The following B3GAT1 variants were observed in gnomAD, a reference collection of about 807,000 sequenced individuals.
B3GAT1 encodes the protein galactosylgalactosylxylosylprotein 3-beta-glucuronosyltransferase 1.
A neutral mutation model predicts 28.4 loss-of-function variants in B3GAT1; 11 were observed. That is an observed-to-expected ratio of 0.39 (90% CI 0.24 to 0.64). B3GAT1 has a LOEUF of 0.64. B3GAT1 is among the 30% of genes least tolerant of loss of function. B3GAT1 has a pLI of 0.50. For missense variants in B3GAT1, 375 were observed against 491.0 expected (o/e 0.76, Z 2.23); for synonymous variants, 255 against 223.1 (o/e 1.14, Z -1.27).
At position 134,411,838 on chromosome 11, in the gene B3GAT1, C is replaced by G. The variant is rs1295083483; in HGVS notation, c.-313G>C. On this transcript the variant is annotated 5_prime_UTR_variant, in exon 1 of 6. Coordinates refer to ENST00000312527, the MANE Select transcript of B3GAT1 (RefSeq NM_054025.3). This position sits in a 1 kb window ranked among gnomAD's most constrained non-coding sequence, Gnocchi z 6.0. The stretch of plus-strand genomic sequence containing the variant: ...CGACGAGTCCGGAGCGTCTCCGGTG[C>G]GGTCCATCGCGGGCAACGGCCCCTA... 1 of 151,468 alleles carries G rather than the reference C, an allele frequency of 6.6e-6. No individual in the cohort carries two copies. Among genetic ancestry groups the G allele is most frequent in the Non-Finnish European group, 1.5e-5 (1 of 67,890 alleles). The allele number at this position is 151,468 out of a possible 1,614,324, so 9.4% of individuals were successfully genotyped here.
intron 3 of B3GAT1, 140 bp from the exon 4 acceptor site, chr11:134,383,146 G>T: frequency 2.1e-6 from 2 of 952,740 alleles, no homozygotes; most frequent in Non-Finnish European, 3.0e-6. Flanking sequence ...GTCCAGTACA[G>T]CCCTGCCCCC....
In B3GAT1 at chr11:134,381,941, G is replaced by C. The variant is rs757002710; in HGVS notation, c.1002C>G (p.Ile334Met). Residue 334 changes from isoleucine (I) to methionine (M), a missense_variant, in exon 5 of 6, where the codon ATC becomes ATG. By Grantham distance (10) the Ile-to-Met change is conservative. Coordinates refer to ENST00000312527, the MANE Select transcript of B3GAT1 (RefSeq NM_054025.3). ...KKGFTDPSVE[I>M] ...GCCCATACCTGCATCCTGAGGCTCAGATCTCCACCGAGGGGTCAGTGAAGC... is the reference window on the plus strand; with the variant it reads ...GCCCATACCTGCATCCTGAGGCTCACATCTCCACCGAGGGGTCAGTGAAGC... 3.1e-6 allele frequency: 5 copies of C among 1,614,004 alleles called. No homozygotes were observed. In the Admixed American group the frequency reaches 8.3e-5, roughly 27 times the overall value.
Position 134,383,700 on chromosome 11 carries a change from T to C in B3GAT1, c.601A>G (p.Ser201Gly). The C allele has an allele frequency of 6.3e-7, 1 of 1,585,980 alleles. No homozygotes were observed. The highest frequency in any genetic ancestry group is 8.6e-7 in the Non-Finnish European group (1 of 1,161,684). ...CTCACCTCTTCGAAGAGCTCCAGGC[T>C]GTAGGTGTTGTCGTCGTCGGCGAAG... ...VYFADDDNTY[S>G]LELFEEMRST... Residue 201 changes from serine to glycine, a missense_variant, in exon 3 of 6, where the codon AGC (serine) becomes GGC (glycine). Ser to Gly is a moderately conservative substitution (Grantham distance 56). Coordinates refer to ENST00000312527, the MANE Select transcript of B3GAT1 (RefSeq NM_054025.3).
Position 134,382,973 on chromosome 11 carries a change from C to T in B3GAT1, c.655G>A (p.Val219Ile), listed in dbSNP as rs1473343688. The change falls in exon 4 of 6, where the codon GTC becomes ATC. Residue 219 changes from valine to isoleucine, a missense_variant. Val to Ile is a conservative substitution (Grantham distance 29). Coordinates refer to ENST00000312527, the MANE Select transcript of B3GAT1 (RefSeq NM_054025.3). ...TACCGCAGGCCACCCACGAAGGCGA[C>T]GGGCCACACGGACACCCTCCTGGTG... Reference protein sequence around the residue: ...RSTRRVSVWPVAFVGGLRYEA... With the variant: ...RSTRRVSVWPIAFVGGLRYEA... The T allele has an allele frequency of 3.1e-6, 5 of 1,587,788 alleles. No homozygotes were observed. Among genetic ancestry groups the T allele is most frequent in the East Asian group, 2.3e-5 (1 of 43,716 alleles).
At chr11:134,381,687 AC>A (rs1944126046) in intron 5 of B3GAT1, 1 of 498,046 alleles carries the variant, frequency 2.0e-6, no homozygotes. Context: ...TTGGAAGGTG[AC>A]ACCCTCTGAA....
In B3GAT1 at chr11:134,384,102, C is replaced by A. The variant is rs766405068; in HGVS notation, c.199G>T (p.Val67Leu). Residue 67 changes from valine to leucine, a missense_variant, in exon 3 of 6, where the codon GTG (valine) becomes TTG (leucine). Coordinates refer to ENST00000312527, the MANE Select transcript of B3GAT1 (RefSeq NM_054025.3). ...CGCGTGTACACGTACTCGGTGCGCA[C>A]CACCTCCACGATGTCGCGGTCAGAC... ...CTSDRDIVEVVRTEYVYTRPP... is the reference protein window; with the variant it reads ...CTSDRDIVEVLRTEYVYTRPP... 6.3e-7 allele frequency: 1 copy of A among 1,591,774 alleles called. No individual in the cohort carries two copies. Among genetic ancestry groups the A allele is most frequent in the Admixed American group, 1.7e-5 (1 of 59,674 alleles).
rs888304360 is a variant in B3GAT1, at chr11:134,393,706, G to C, written c.-281-5766C>G. Among the ~76,000 whole-genome samples, 8 of 152,294 alleles carry C rather than the reference G, an allele frequency of 5.3e-5. No homozygotes were observed. Among genetic ancestry groups the C allele is most frequent in the Non-Finnish European group, 8.8e-5 (6 of 68,012 alleles). On this transcript the variant is annotated intron_variant, in intron 1 of 5. Coordinates refer to ENST00000312527, the MANE Select transcript of B3GAT1 (RefSeq NM_054025.3). The surrounding 1 kb of genome is among the most constrained non-coding windows in gnomAD (Gnocchi z 4.0). ...GAGTGCTGTGAACAGGCTGGGAACC[G>C]GCGTCACTGACTCTTGAGGGCGTGG...
chr11:134,387,582 C>A lies in B3GAT1; in HGVS notation c.78G>T (p.Gln26His). 6.2e-7 allele frequency: 1 copy of A among 1,614,130 alleles called. No individual in the cohort carries two copies. The highest frequency in any genetic ancestry group is 8.5e-7 in the Non-Finnish European group (1 of 1,180,042). Reference protein sequence around the residue: ...PWTLLITVWHQSTLAPLLAVH... With the variant: ...PWTLLITVWHHSTLAPLLAVH... ...CCGCGAGCAGGGGTGCGAGGGTGCTCTGGTGCCAGACAGTGATGAGCAGAG... is the reference window on the plus strand; with the variant it reads ...CCGCGAGCAGGGGTGCGAGGGTGCTATGGTGCCAGACAGTGATGAGCAGAG... The change falls in exon 2 of 6, where the codon CAG becomes CAT. Residue 26 changes from glutamine (Q) to histidine (H), a missense_variant. Coordinates refer to ENST00000312527, the MANE Select transcript of B3GAT1 (RefSeq NM_054025.3).
At chr11:134,392,593 C>A (rs953915884) in intron 1 of B3GAT1, among the ~76,000 whole-genome samples, 6 of 152,158 alleles carry the variant, frequency 3.9e-5, no homozygotes, top group African/African-American at 1.4e-4. Context: ...CTGGTCTCAA[C>A]CTACTGGGCT....
At chr11:134,384,989 G>T (rs1395348900) in intron 2 of B3GAT1, 1 of 152,190 alleles carries the variant, frequency 6.6e-6, no homozygotes, top group African/African-American at 2.4e-5. Flanking sequence ...TTACCGTCGG[G>T]TGGTAAAGGT....
chr11:134,395,758 G>C (rs1233998323), intron 1 of B3GAT1, among the ~76,000 whole-genome samples: 1 of 152,156 alleles, frequency 6.6e-6, no homozygotes, highest in Non-Finnish European at 1.5e-5. Context: ...CCCAAGACAA[G>C]TATATTCATT....
intron 1 of B3GAT1, chr11:134,409,698 C>T (rs1362888112): frequency 6.6e-6 from 1 of 152,328 alleles, no homozygotes; most frequent in East Asian, 1.9e-4. Flanking sequence ...CCCAGCCTGC[C>T]CCAACTCACC....
At chr11:134,407,547 A>T (rs1248893540) in intron 1 of B3GAT1, among the ~76,000 whole-genome samples, 2 of 152,238 alleles carry the variant, frequency 1.3e-5, no homozygotes, top group Non-Finnish European at 2.9e-5. Context: ...AAATCCAGTC[A>T]ACTCTTGATC....
At chr11:134,399,828 T>C (rs1944576292) in intron 1 of B3GAT1, among the ~76,000 whole-genome samples, 1 of 152,164 alleles carries the variant, frequency 6.6e-6, no homozygotes, top group Admixed American at 6.5e-5. Flanking sequence ...GGTGACTGAC[T>C]TGGTACCTGC....
intron 4 of B3GAT1, among the ~76,000 whole-genome samples, chr11:134,382,498 G>A (rs1944156360): frequency 6.6e-6 from 1 of 152,264 alleles, no homozygotes; most frequent in South Asian, 2.1e-4. Context: ...CTGTTCTGTG[G>A]GAGGTTATAA....
intron 1 of B3GAT1, among the ~76,000 whole-genome samples, chr11:134,405,784 G>A (rs1944720288): frequency 6.6e-6 from 1 of 152,226 alleles, no homozygotes; most frequent in African/African-American, 2.4e-5. Context: ...TGAAAAGAAG[G>A]GAGTAGCCCA....
In B3GAT1 at chr11:134,382,752, G is replaced by T. The variant is rs768609394; in HGVS notation, c.876C>A (p.Val292=). The T allele has an allele frequency of 1.2e-6, 2 of 1,614,124 alleles. No homozygotes were observed. The highest frequency in any genetic ancestry group is 1.1e-5 in the South Asian group (1 of 91,080). The change falls in exon 4 of 6, where the codon GTC becomes GTA. Residue 292 remains valine, a synonymous_variant. Coordinates refer to ENST00000312527, the MANE Select transcript of B3GAT1 (RefSeq NM_054025.3). The stretch of plus-strand genomic sequence containing the variant: ...CCTTGGGCTCCAGGTCGTTGAGGGT[G>T]ACAAGTTCTCGAAGGAGGCTGCTTT... ...YQESSLLREL[V]TLNDLEPKAA...
In B3GAT1 at chr11:134,393,919, C is replaced by T. The variant is rs1407733502; in HGVS notation, c.-281-5979G>A. The stretch of plus-strand genomic sequence containing the variant: ...GCTTTGTCCCACAGATCTCCAGGTG[C>T]CCCTAATGGGATCAGCGGATTAGTA... On this transcript the variant is annotated intron_variant, in intron 1 of 5. Transcript: ENST00000312527. The surrounding 1 kb of genome is among the most constrained non-coding windows in gnomAD (Gnocchi z 4.0). Among the ~76,000 whole-genome samples the T allele has an allele frequency of 9.2e-5, 14 of 152,192 alleles. No individual in the cohort carries two copies. Among genetic ancestry groups the T allele is most frequent in the African/African-American group, 2.2e-4 (9 of 41,468 alleles).
chr11:134,382,656 C>A, intron 4 of B3GAT1, 54 bp downstream of exon 4: 1 of 1,573,510 alleles, frequency 6.4e-7, no homozygotes, highest in South Asian at 1.2e-5. Context: ...TAGGGAGGGT[C>A]TGGATGTACT....
Sources: allele counts gnomAD v4.1 joint callset (sites outside exome capture counted in the v4.1 genomes callset), GRCh38; gene constraint gnomAD v4.1.1; non-coding constraint Gnocchi (gnomAD v3.1); transcripts MANE v1.5; gene names NCBI Gene and HGNC (gene_info 2026-07-23, HGNC 2026-07-21).